MECOM: variants seen among roughly 807,000 people sequenced by gnomAD.
MECOM encodes the protein histone-lysine N-methyltransferase MECOM.
In MECOM, 13 loss-of-function variants were observed where a neutral mutation model predicts 116.3. That is an observed-to-expected ratio of 0.11 (90% confidence interval 0.07 to 0.18). The LOEUF is 0.18. Ranked by LOEUF, MECOM falls within the 10% of genes least tolerant of loss-of-function variation. MECOM has a pLI of 1.00. For synonymous variants in MECOM, 528 were observed against 535.2 expected (o/e 0.99, Z 0.19); for missense variants, 1,299 against 1,509.0 (o/e 0.86, Z 2.31).
Position 169,599,266 on chromosome 3 carries a change from A to G in MECOM, c.37+64070T>C, listed in dbSNP as rs551571447. Among the ~76,000 whole-genome samples the G allele has an allele frequency of 3.3e-5, 5 of 152,340 alleles. No homozygotes were observed. In the East Asian group the frequency reaches 9.6e-4, roughly 29 times the overall value. ...CACGGTGGCTCATGCCTGTAATCCCAGCACTTTGGAAGGCCGAGGCGGGCA... is the reference window on the plus strand; with the variant it reads ...CACGGTGGCTCATGCCTGTAATCCCGGCACTTTGGAAGGCCGAGGCGGGCA... On this transcript the variant is annotated intron_variant, in intron 1 of 16. Coordinates refer to ENST00000651503, the MANE Select transcript of MECOM (RefSeq NM_004991.4).
At position 169,100,379 on chromosome 3, in the gene MECOM, G is replaced by T. The variant is rs934679872; in HGVS notation, c.2849+506C>A. On this transcript the variant is annotated intron_variant, in intron 12 of 16. Transcript: ENST00000651503. ...CTCCCAAAGTGTCGGGATTACAAGC[G>T]TCAGCCACCATGCCCAGCCTAAAAT... 3.3e-5 allele frequency among the ~76,000 whole-genome samples: 5 copies of T among 152,060 alleles called. No individual in the cohort carries two copies. In the South Asian group the frequency reaches 1.0e-3, roughly 32 times the overall value.
chr3:169,147,327 G>C lies in MECOM; in HGVS notation c.376-3495C>G, dbSNP rs757963749. ...GCCTTCGCGGGTCCTGGACCCTCACGGGATCGTCCCCTTTCGCAACTCCAA... is the reference window on the plus strand; with the variant it reads ...GCCTTCGCGGGTCCTGGACCCTCACCGGATCGTCCCCTTTCGCAACTCCAA... On this transcript the variant is annotated intron_variant, in intron 2 of 16. Coordinates refer to ENST00000651503, the MANE Select transcript of MECOM (RefSeq NM_004991.4). 4.5e-5 allele frequency: 44 copies of C among 985,478 alleles called. 2 individuals are homozygous for C. In the South Asian group the frequency reaches 1.6e-3, roughly 37 times the overall value. The allele number at this position is 985,478 out of a possible 1,614,324, so 61.0% of individuals were successfully genotyped here.
chr3:169,136,541 G>A (rs1736427945), intron 3 of MECOM, among the ~76,000 whole-genome samples: 1 of 151,896 alleles, frequency 6.6e-6, no homozygotes, highest in African/African-American at 2.4e-5. Context: ...ACACTCATAA[G>A]CACTTTGATA....
At chr3:169,587,630 G>A (rs112768730) in intron 1 of MECOM, among the ~76,000 whole-genome samples, 5 of 152,020 alleles carry the variant, frequency 3.3e-5, no homozygotes, top group Non-Finnish European at 5.9e-5. Context: ...ATCCTGTACC[G>A]GAACCATGCA....
chr3:169,541,233 C>T (rs1411666007), intron 1 of MECOM, among the ~76,000 whole-genome samples: 1 of 152,120 alleles, frequency 6.6e-6, no homozygotes, highest in East Asian at 1.9e-4. Flanking sequence ...CTATGAGGGG[C>T]AATGTTTTAG....
chr3:169,551,314 A>C (rs1017603005), intron 1 of MECOM, among the ~76,000 whole-genome samples: 1 of 152,124 alleles, frequency 6.6e-6, no homozygotes, highest in African/African-American at 2.4e-5. Flanking sequence ...CTAAATGTCC[A>C]GTGGTGATAT....
chr3:169,378,452 G>GAGAGA (rs1491467574), intron 2 of MECOM, among the ~76,000 whole-genome samples: 2 of 64,600 alleles, frequency 3.1e-5, no homozygotes, highest in African/African-American at 1.4e-4. Context: ...AAAGAAAGAA[G>GAGAGA]GAAAGCAAGC....
intron 1 of MECOM, among the ~76,000 whole-genome samples, chr3:169,425,106 C>CCCG (rs1553849479): frequency 1.3e-5 from 2 of 150,672 alleles, no homozygotes; most frequent in Non-Finnish European, 3.0e-5. Flanking sequence ...GAAACCCCCC[C>CCCG]CCACTTGCAT....
chr3:169,346,612 A>T (rs1171239560), intron 2 of MECOM, among the ~76,000 whole-genome samples: 2 of 151,980 alleles, frequency 1.3e-5, no homozygotes, highest in Non-Finnish European at 2.9e-5. Flanking sequence ...CAGGGGGAAA[A>T]AATGCACTTC....
rs768521397 is a variant in MECOM, at chr3:169,116,511, G to A, written c.1361C>T (p.Thr454Met). Residue 454 changes from threonine to methionine, a missense_variant, in exon 8 of 17, where the codon ACG (threonine) becomes ATG (methionine). Transcript: ENST00000651503. The part of the protein sequence containing the change: ...SLPGTPAMDK[T>M]SMVNMSHANP... ...GGCATGACTCATATTAACCATGGAC[G>A]TTTTATCCATAGCTGGGGTTCCAGG... 13 of 1,614,152 alleles carry A rather than the reference G, an allele frequency of 8.1e-6. No individual in the cohort carries two copies. The East Asian group carries it at 1.6e-4, about 19-fold the overall frequency.
chr3:169,184,621 C>T (rs1746466788), intron 2 of MECOM, among the ~76,000 whole-genome samples: 1 of 152,156 alleles, frequency 6.6e-6, no homozygotes, highest in African/African-American at 2.4e-5. Context: ...GGAGGTCAAT[C>T]CACCTGGCTT....
chr3:169,278,583 T>C (rs1577564166), intron 2 of MECOM, among the ~76,000 whole-genome samples: 2 of 152,228 alleles, frequency 1.3e-5, no homozygotes, highest in Non-Finnish European at 2.9e-5. Flanking sequence ...AAAGGTTAGC[T>C]GGAAAGTTTT....
At chr3:169,630,624 G>GTATTTT (rs1335031940) in intron 1 of MECOM, among the ~76,000 whole-genome samples, 2 of 151,952 alleles carry the variant, frequency 1.3e-5, no homozygotes, top group Non-Finnish European at 2.9e-5. Context: ...AGCTTATTTT[G>GTATTTT]TATTTTTATT....
intron 1 of MECOM, among the ~76,000 whole-genome samples, chr3:169,480,008 T>C (rs1751046452): frequency 6.6e-6 from 1 of 152,218 alleles, no homozygotes; most frequent in Non-Finnish European, 1.5e-5. Flanking sequence ...TGACTCCAGA[T>C]TCGATGTACT....
intron 1 of MECOM, among the ~76,000 whole-genome samples, chr3:169,573,324 G>T (rs1764138395): frequency 6.6e-6 from 1 of 152,108 alleles, no homozygotes; most frequent in Non-Finnish European, 1.5e-5. Flanking sequence ...AAAAAATTTT[G>T]TAAATGTACA....
chr3:169,353,782 A>G (rs1482045568), intron 2 of MECOM, among the ~76,000 whole-genome samples: 1 of 151,882 alleles, frequency 6.6e-6, no homozygotes, highest in Non-Finnish European at 1.5e-5. Flanking sequence ...AGCTTCATAT[A>G]TAACAATACA....
Position 169,378,484 on chromosome 3 carries a change from AG to A in MECOM, c.375+2702del, listed in dbSNP as rs1560197360. 1.8e-4 allele frequency among the ~76,000 whole-genome samples: 8 copies of A among 43,380 alleles called. 1 individual carries two copies. The highest frequency in any genetic ancestry group is 1.7e-3 in the African/African-American group (6 of 3,556). 28.5% of individuals were successfully genotyped at this position (43,380 alleles called of 152,430 possible). ...AAGCAAGCAAGCAAGCAAGAAAGAG[AG>A]AGAGAAAGAAAGAAAGAAAGAAAGA... On this transcript the variant is annotated intron_variant, in intron 2 of 16. Coordinates refer to ENST00000651503, the MANE Select transcript of MECOM (RefSeq NM_004991.4).
chr3:169,341,217 T>TA (rs200223364), intron 2 of MECOM, among the ~76,000 whole-genome samples: 2,168 of 152,122 alleles, frequency 0.014, 39 homozygotes, highest in South Asian at 0.045. Context: ...AAAATTATGC[T>TA]AAAAAATGTA....
rs1560317687 is a variant in MECOM at position 169,472,513 on chromosome 3, G to GA, written c.38-90990dup. On this transcript the variant is annotated intron_variant, in intron 1 of 16. Transcript: ENST00000651503. ...GAAAGGAAAGGAAAGGAAAGGAAAG[G>GA]AAAGGAAAGAAAAGAAAAGAAAAGG... is the stretch of plus-strand genomic sequence containing the variant. 1.3e-4 allele frequency among the ~76,000 whole-genome samples: 11 copies of GA among 81,498 alleles called. 1 individual carries two copies. Among genetic ancestry groups the GA allele is most frequent in the African/African-American group, 3.4e-4 (6 of 17,398 alleles). 53.5% of individuals were successfully genotyped at this position (81,498 alleles called of 152,430 possible). A position where few individuals can be genotyped will look rare whatever the true frequency, so the allele number is the denominator to read the frequency against.
Sources: allele counts gnomAD v4.1 joint callset (sites outside exome capture counted in the v4.1 genomes callset), GRCh38; gene constraint gnomAD v4.1.1; transcripts MANE v1.5; gene names NCBI Gene and HGNC (gene_info 2026-07-23, HGNC 2026-07-21).